The following MICAL1 variants were observed in gnomAD, a reference collection of about 807,000 sequenced individuals.
MICAL1 encodes [F-actin]-monooxygenase MICAL1.
Under a neutral mutation model 131.8 loss-of-function variants are expected in MICAL1, and 95 were observed. The observed-to-expected ratio is 0.72, with a 90% CI of 0.61 to 0.86. The LOEUF (loss-of-function observed/expected upper bound fraction) is 0.86, where lower values mean the gene tolerates loss of function less well. MICAL1 is among the 40% of genes least tolerant of loss of function. The pLI is 0.00. For synonymous variants in MICAL1, 546 were observed against 554.2 expected, an observed-to-expected ratio of 0.99 and a Z score of 0.21; for missense variants, 1,292 against 1,380.6, an observed-to-expected ratio of 0.94 and a Z score of 1.02.
rs1252133041 is a variant in MICAL1 at position 109,455,402 on chromosome 6, G to GGGTGGAA, written c.-44+310_-44+316dup. Among the ~76,000 whole-genome samples, 2 of 152,192 alleles carry GGGTGGAA rather than the reference G, an allele frequency of 1.3e-5. No homozygotes were observed. Among genetic ancestry groups the GGGTGGAA allele is most frequent in the African/African-American group, 4.8e-5 (2 of 41,452 alleles). ...GGCAAAGATCTTTCTTGGGGGTGGA[G>GGGTGGAA]GGTGGAAGGAGGAAGACCTCGGCGA... On this transcript the variant is annotated intron_variant, in intron 1 of 24. Coordinates refer to ENST00000358807, the MANE Select transcript of MICAL1 (RefSeq NM_022765.4). This position sits in a 1 kb window ranked among gnomAD's most constrained non-coding sequence, Gnocchi z 4.7.
rs190609453 is a variant in MICAL1, at chr6:109,447,391, C to G, written c.2036G>C (p.Gly679Ala). The stretch of plus-strand genomic sequence containing the variant: ...TTGGGATGGGGGTGTCAGGGGTACA[C>G]CAGGCTCTGGGTCAGGTGGCACCTC... ...STEVPPDPEPGVPLTPPSQHQ... is the reference protein window; with the variant it reads ...STEVPPDPEPAVPLTPPSQHQ... The change falls in exon 16 of 25, where the codon GGT (glycine) becomes GCT (alanine). Residue 679 changes from glycine (G) to alanine (A), a missense_variant. Transcript: ENST00000358807. 2 of 1,613,328 alleles carry G rather than the reference C, an allele frequency of 1.2e-6. No individual in the cohort carries two copies. Among genetic ancestry groups the G allele is most frequent in the South Asian group, 1.1e-5 (1 of 91,068 alleles).
chr6:109,454,510 C>A (rs1240932232), intron 1 of MICAL1, among the ~76,000 whole-genome samples: 1 of 152,182 alleles, frequency 6.6e-6, no homozygotes, highest in African/African-American at 2.4e-5. Context: ...TCCAGTTCAG[C>A]CTCCCTGTCC....
Position 109,448,420 on chromosome 6 carries a change from A to G in MICAL1, c.1665-27T>C, listed in dbSNP as rs1358677314. ...TGTGGGATGTCAGGGAGAAAAGCCA[A>G]CTAGAGACAAGAACCTAGCCCCACT... On this transcript the variant is annotated intron_variant, in intron 12 of 24. Transcript: ENST00000358807. The G allele has an allele frequency of 3.7e-6, 6 of 1,610,250 alleles. No homozygotes were observed. In the South Asian group the frequency reaches 6.6e-5, roughly 18 times the overall value.
Position 109,451,843 on chromosome 6 carries a change from C to G in MICAL1, c.833-143G>C, listed in dbSNP as rs376415226. 3,710 of 1,438,000 alleles carry G rather than the reference C, an allele frequency of 2.6e-3. 123 individuals carry two copies. In the South Asian group the frequency reaches 0.05, roughly 20 times the overall value. The allele number at this position is 1,438,000 out of a possible 1,614,324, so 89.1% of individuals were successfully genotyped here. ...CTCCACGCATAGAACCCCACGAGTC[C>G]TGATGACACAAACAACCATCTGTCC... On this transcript the variant is annotated intron_variant, in intron 6 of 24. Coordinates refer to ENST00000358807, the MANE Select transcript of MICAL1 (RefSeq NM_022765.4).
rs760439849 is a variant in MICAL1 at position 109,449,983 on chromosome 6, C to T, written c.1294G>A (p.Val432Met). The stretch of plus-strand genomic sequence containing the variant: ...CTCAGGTCTTACCGCTCAGCCAACA[C>T]CTCTAGGGACTCAGCGCCCTCTGCC... ...RWAEGAESLE[V>M]LAERESLYQL... The change falls in exon 9 of 25, where the codon GTG (valine) becomes ATG (methionine). Residue 432 changes from valine to methionine, a missense_variant. Coordinates refer to ENST00000358807, the MANE Select transcript of MICAL1 (RefSeq NM_022765.4). 9.3e-6 allele frequency: 15 copies of T among 1,613,970 alleles called. No individual in the cohort carries two copies. The highest frequency in any genetic ancestry group is 1.2e-5 in the Non-Finnish European group (14 of 1,179,914).
upstream of MICAL1, among the ~76,000 whole-genome samples, chr6:109,456,472 C>T (rs1371194232): frequency 6.8e-6 from 1 of 147,986 alleles, no homozygotes; most frequent in Non-Finnish European, 1.5e-5. Flanking sequence ...CAGCAATCTG[C>T]AGCTTCCAAA....
chr6:109,448,065 T>G (rs1357097503), intron 13 of MICAL1, 102 bp from the exon 14 acceptor site: 1 of 1,391,974 alleles, frequency 7.2e-7, no homozygotes, highest in Non-Finnish European at 9.6e-7. Flanking sequence ...TCTCCCAGGC[T>G]GGCCCTCAGA....
intron 1 of MICAL1, chr6:109,463,293 C>G (rs1464200261): frequency 6.6e-6 from 1 of 152,184 alleles, no homozygotes; most frequent in East Asian, 1.9e-4. Flanking sequence ...CGTCATTGAA[C>G]TTTTTTATTC....
At chr6:109,457,396 C>T (rs1312482079), upstream of MICAL1, among the ~76,000 whole-genome samples, 2 of 152,146 alleles carry the variant, frequency 1.3e-5, no homozygotes, top group Non-Finnish European at 2.9e-5. Flanking sequence ...CTGGGCTCCA[C>T]CACCCCAGGG....
At chr6:109,447,643 G>T (rs770635156) in intron 15 of MICAL1, 38 bp downstream of exon 15, 7 of 1,612,638 alleles carry the variant, frequency 4.3e-6, no homozygotes, top group South Asian at 2.2e-5. Context: ...GGGATAAAAT[G>T]TGGGGTAGGA....
Position 109,447,970 on chromosome 6 carries a change from G to A in MICAL1, c.1856-7C>T. On this transcript the variant is annotated splice_polypyrimidine_tract_variant and splice_region_variant and intron_variant, in intron 13 of 24. Coordinates refer to ENST00000358807, the MANE Select transcript of MICAL1 (RefSeq NM_022765.4). The stretch of plus-strand genomic sequence containing the variant: ...GAGGCCTGGCTGACAGGGCCTGCGG[G>A]GAGAGCCAGGGCATCAGTGTGGATG... 1.9e-6 allele frequency: 3 copies of A among 1,598,924 alleles called. No individual in the cohort carries two copies. The highest frequency in any genetic ancestry group is 2.6e-6 in the Non-Finnish European group (3 of 1,172,624).
upstream of MICAL1, among the ~76,000 whole-genome samples, chr6:109,456,336 C>T (rs1775745947): frequency 6.6e-6 from 1 of 152,202 alleles, no homozygotes; most frequent in African/African-American, 2.4e-5. Context: ...CTCCGGTCTC[C>T]CACCTGGAGA....
At chr6:109,459,921 A>G (rs1775844128), upstream of MICAL1, among the ~76,000 whole-genome samples, 1 of 152,360 alleles carries the variant, frequency 6.6e-6, no homozygotes, top group African/African-American at 2.4e-5. Flanking sequence ...GGATAGTCAT[A>G]TGAATGAACT....
In MICAL1 at chr6:109,444,779, C is replaced by T. The variant is rs751043924; in HGVS notation, c.3001G>A (p.Glu1001Lys). ...TGGTCCAGCTGCCACTGTTTCTCCTCCAGATTCAATTCCTGCACCCTGTGG... is the reference window on the plus strand; with the variant it reads ...TGGTCCAGCTGCCACTGTTTCTCCTTCAGATTCAATTCCTGCACCCTGTGG... The part of the protein sequence containing the change: ...LMITVQELNL[E>K]EKQWQLDQEL... Residue 1001 changes from glutamate to lysine, a missense_variant, in exon 24 of 25, where the codon GAG becomes AAG. By Grantham distance (56) the Glu-to-Lys change is moderately conservative. Transcript: ENST00000358807. The T allele has an allele frequency of 2.5e-6, 4 of 1,614,038 alleles. No individual in the cohort carries two copies. In the African/African-American group the frequency reaches 4.0e-5, roughly 16 times the overall value.
At chr6:109,447,597 A>T (rs574656076) in intron 15 of MICAL1, 84 bp downstream of exon 15, 3 of 1,599,940 alleles carry the variant, frequency 1.9e-6, no homozygotes, top group Non-Finnish European at 2.6e-6. Context: ...GGAACAAGAC[A>T]TGGGATGAGA....
At position 109,445,673 on chromosome 6, in the gene MICAL1, G is replaced by A. The variant is rs149674866; in HGVS notation, c.2673+98C>T. The A allele has an allele frequency of 2.4e-5, 37 of 1,514,798 alleles. No individual in the cohort carries two copies. In the African/African-American group the frequency reaches 4.3e-4, roughly 17 times the overall value. 93.8% of individuals were successfully genotyped at this position (1,514,798 alleles called of 1,614,324 possible). On this transcript the variant is annotated intron_variant, in intron 20 of 24. Transcript: ENST00000358807. ...AGAGGCCAGAGATATGACAGGCCAAGTGAGAAGACATTCCAAGAGAAGGGT... is the reference window on the plus strand; with the variant it reads ...AGAGGCCAGAGATATGACAGGCCAAATGAGAAGACATTCCAAGAGAAGGGT...
intron 17 of MICAL1, 111 bp downstream of exon 17, chr6:109,446,962 G>C: frequency 1.4e-6 from 2 of 1,383,210 alleles, no homozygotes; most frequent in Admixed American, 4.2e-5. Flanking sequence ...TCAGGAGAAC[G>C]AAGTGCCATC....
intron 10 of MICAL1, 63 bp downstream of exon 10, chr6:109,449,594 A>G: frequency 1.3e-6 from 2 of 1,599,790 alleles, no homozygotes; most frequent in Non-Finnish European, 1.7e-6. Context: ...CTGGGCAGGG[A>G]GGGCCTGACC....
chr6:109,456,445 T>C (rs1437437001), upstream of MICAL1, among the ~76,000 whole-genome samples: 6 of 152,018 alleles, frequency 3.9e-5, no homozygotes, highest in African/African-American at 1.5e-4. Context: ...AGGGCGCGGA[T>C]TAAAGTCCTG....
Sources: allele counts gnomAD v4.1 joint callset (sites outside exome capture counted in the v4.1 genomes callset), GRCh38; gene constraint gnomAD v4.1.1; non-coding constraint Gnocchi (gnomAD v3.1); transcripts MANE v1.5; gene names NCBI Gene and HGNC (gene_info 2026-07-23, HGNC 2026-07-21).